The following PPP2R2B variants were observed in gnomAD, a reference collection of about 807,000 sequenced individuals.
The protein encoded by PPP2R2B is protein phosphatase 2 regulatory subunit Bbeta, also known as serine/threonine-protein phosphatase 2A 55 kDa regulatory subunit B beta isoform.
A neutral mutation model predicts 46.0 loss-of-function variants in PPP2R2B; 5 were observed. The ratio of observed to expected loss-of-function variants is 0.11; its 90% confidence interval spans 0.06 to 0.23. The LOEUF is 0.23. PPP2R2B is among the 10% of genes least tolerant of loss of function. The probability of loss-of-function intolerance (pLI) is 1.00; values close to 1 mark genes in which losing one functional copy is unlikely to be tolerated. For missense variants in PPP2R2B, 367 were observed against 575.0 expected (o/e 0.64, Z 3.70); for synonymous variants, 215 against 206.7 (o/e 1.04, Z -0.34).
chr5:146,709,663 G>A (rs1387724332), intron 2 of PPP2R2B, among the ~76,000 whole-genome samples: 1 of 152,200 alleles, frequency 6.6e-6, no homozygotes, highest in Non-Finnish European at 1.5e-5. Context: ...CATAATACGT[G>A]GGGCTGTGGC....
chr5:146,923,658 T>C (rs1763684234), intron 1 of PPP2R2B, among the ~76,000 whole-genome samples: 1 of 152,226 alleles, frequency 6.6e-6, no homozygotes. Flanking sequence ...GAAGACAGTG[T>C]GGCAATTCCT....
At chr5:146,742,323 A>C (rs1478627703) in intron 2 of PPP2R2B, among the ~76,000 whole-genome samples, 1 of 152,146 alleles carries the variant, frequency 6.6e-6, no homozygotes, top group East Asian at 1.9e-4. Flanking sequence ...AAGGATACCA[A>C]AATCTTACCG....
Position 146,590,153 on chromosome 5 carries a change from C to G in PPP2R2B, c.1126G>C (p.Glu376Gln). Residue 376 changes from glutamate to glutamine, a missense_variant, in exon 10 of 10, where the codon GAG becomes CAG. By Grantham distance (29) the Glu-to-Gln change is conservative. Around this residue, in one of 2 missense-constraint regions of PPP2R2B, gnomAD observed 361 missense variants for 545.5 expected, o/e 0.66. Coordinates refer to ENST00000394411, the MANE Select transcript of PPP2R2B (RefSeq NM_181675.4). ...GGCTTGCTGTTTTCCCTCGAAGCCT[C>G]AAGGGTCACATCACGCTTGGTGTTT... is the stretch of plus-strand genomic sequence containing the variant. ...DRNTKRDVTLEASRENSKPRA... is the reference protein window; with the variant it reads ...DRNTKRDVTLQASRENSKPRA... 1 of 1,614,100 alleles carries G rather than the reference C, an allele frequency of 6.2e-7. No homozygotes were observed. Among genetic ancestry groups the G allele is most frequent in the Non-Finnish European group, 8.5e-7 (1 of 1,180,028 alleles).
chr5:146,707,932 T>A (rs967437124), intron 2 of PPP2R2B, among the ~76,000 whole-genome samples: 1 of 152,214 alleles, frequency 6.6e-6, no homozygotes, highest in African/African-American at 2.4e-5. Context: ...TCTTCGGTAT[T>A]TTCTATATTT....
At position 146,697,991 on chromosome 5, in the gene PPP2R2B, G is replaced by A; in HGVS notation, c.322C>T (p.Leu108=). 1 of 1,611,468 alleles carries A rather than the reference G, an allele frequency of 6.2e-7. No individual in the cohort carries two copies. The highest frequency in any genetic ancestry group is 8.5e-7 in the Non-Finnish European group (1 of 1,179,052). ...LPQQNAAYFL[L]STNDKTVKLW... is the part of the protein sequence containing the mutation. ...GAATTCCACCTACCATTAGTAGACA[G>A]AAGAAAGTAAGCTGCATTCTGCTGG... The change falls in exon 4 of 10, where the codon CTG becomes TTG. Residue 108 remains leucine (L), a synonymous_variant. Transcript: ENST00000394411.
At chr5:146,708,439 GTA>G (rs1780023077) in intron 2 of PPP2R2B, among the ~76,000 whole-genome samples, 1 of 143,652 alleles carries the variant, frequency 7.0e-6, no homozygotes, top group Admixed American at 7.0e-5. Context: ...GTGTGTGTGT[GTA>G]AAATTCACTT....
At chr5:146,720,678 T>C (rs1459560412) in intron 2 of PPP2R2B, among the ~76,000 whole-genome samples, 1 of 152,140 alleles carries the variant, frequency 6.6e-6, no homozygotes, top group East Asian at 1.9e-4. Flanking sequence ...CTTACAGATA[T>C]TTATTAAGGT....
intron 1 of PPP2R2B, among the ~76,000 whole-genome samples, chr5:147,045,600 TCTC>T (rs541587742): frequency 5.9e-5 from 9 of 152,138 alleles, no homozygotes; most frequent in Non-Finnish European, 1.2e-4. Flanking sequence ...TCTAATGTAT[TCTC>T]CTCACAGCAG....
At chr5:146,924,028 A>G (rs187268715) in intron 1 of PPP2R2B, among the ~76,000 whole-genome samples, 2 of 152,304 alleles carry the variant, frequency 1.3e-5, no homozygotes, top group East Asian at 3.9e-4. Flanking sequence ...TGATGAAAAC[A>G]TATGGACACA....
chr5:146,729,058 A>G (rs532111624), intron 2 of PPP2R2B, among the ~76,000 whole-genome samples: 4 of 152,166 alleles, frequency 2.6e-5, no homozygotes, highest in Non-Finnish European at 4.4e-5. Context: ...AAAATGTGGG[A>G]AAGTTTGGAA....
chr5:146,877,847 G>A (rs1190119863), intron 2 of PPP2R2B, among the ~76,000 whole-genome samples, 155 bp downstream of exon 2: 1 of 152,190 alleles, frequency 6.6e-6, no homozygotes, highest in African/African-American at 2.4e-5. Flanking sequence ...GGATGGATGC[G>A]AGGTGCACTG....
intron 1 of PPP2R2B, among the ~76,000 whole-genome samples, chr5:147,045,096 G>T (rs910868559): frequency 1.3e-5 from 2 of 152,160 alleles, no homozygotes; most frequent in African/African-American, 2.4e-5. Context: ...TTCAGATACA[G>T]TCACAGATAG....
In PPP2R2B at chr5:146,797,768, GT is replaced by G. The variant is rs376859058; in HGVS notation, c.70+80233del. 3.8e-3 allele frequency among the ~76,000 whole-genome samples: 581 copies of G among 152,230 alleles called. 9 individuals carry two copies. The highest frequency in any genetic ancestry group is 0.013 in the African/African-American group (555 of 41,538). Reference sequence around the variant, plus strand: ...ATCTCCCTCTTTGTTATCTGTATTTGTTTGTTTCAGAGCCTGACATGTTAAT... The same window carrying G: ...ATCTCCCTCTTTGTTATCTGTATTTGTTGTTTCAGAGCCTGACATGTTAAT... On this transcript the variant is annotated intron_variant, in intron 2 of 9. Transcript: ENST00000394411.
intron 2 of PPP2R2B, among the ~76,000 whole-genome samples, chr5:146,840,261 C>T (rs946599411): frequency 6.6e-6 from 1 of 152,190 alleles, no homozygotes; most frequent in Non-Finnish European, 1.5e-5. Flanking sequence ...AGTGACTCCT[C>T]TGTGCCAGGC....
intron 5 of PPP2R2B, among the ~76,000 whole-genome samples, chr5:146,652,977 A>T (rs1485625192): frequency 6.6e-6 from 1 of 152,136 alleles, no homozygotes; most frequent in African/African-American, 2.4e-5. Context: ...AGGCATTGCG[A>T]TGGATAAAAA....
In PPP2R2B at chr5:146,581,557, T is replaced by C. The variant is rs976242134; in HGVS notation, c.*8390A>G. The C allele has an allele frequency of 6.6e-6, 1 of 152,190 alleles. No individual in the cohort carries two copies. The highest frequency in any genetic ancestry group is 1.5e-5 in the Non-Finnish European group (1 of 68,030). The allele number at this position is 152,190 out of a possible 1,614,324, so 9.4% of individuals were successfully genotyped here. On this transcript the variant is annotated 3_prime_UTR_variant, in exon 10 of 10. Transcript: ENST00000394411. Reference sequence around the variant, plus strand: ...CCTTTCTGCCTTTTCAAAAATAATATGAAAAATAAGAACTGTTGTCCTTCT... The same window carrying C: ...CCTTTCTGCCTTTTCAAAAATAATACGAAAAATAAGAACTGTTGTCCTTCT...
chr5:146,756,807 G>A (rs1224182494), intron 2 of PPP2R2B, among the ~76,000 whole-genome samples: 1 of 152,162 alleles, frequency 6.6e-6, no homozygotes, highest in East Asian at 1.9e-4. Context: ...TGTGCAGTGA[G>A]CTGCATTTTA....
At chr5:147,068,894 G>A (rs562918127) in intron 2 of PPP2R2B, among the ~76,000 whole-genome samples, 4 of 152,084 alleles carry the variant, frequency 2.6e-5, no homozygotes, top group South Asian at 2.1e-4. Context: ...ATGGACAAAC[G>A]ACTGTGCCAT....
At chr5:146,766,370 C>G (rs1436886797) in intron 2 of PPP2R2B, among the ~76,000 whole-genome samples, 2 of 152,194 alleles carry the variant, frequency 1.3e-5, no homozygotes, top group Admixed American at 1.3e-4. Flanking sequence ...AGAGATATCA[C>G]TCCCTACAAT....
Sources: allele counts gnomAD v4.1 joint callset (sites outside exome capture counted in the v4.1 genomes callset), GRCh38; gene constraint gnomAD v4.1.1; regional missense constraint gnomAD v4.1.1; transcripts MANE v1.5; gene names NCBI Gene and HGNC (gene_info 2026-07-23, HGNC 2026-07-21).